PPM1B: variants seen among roughly 807,000 people sequenced by gnomAD.
PPM1B encodes protein phosphatase 1B.
Under a neutral mutation model 43.0 loss-of-function variants are expected in PPM1B, and 22 were observed. The ratio of observed to expected loss-of-function variants is 0.51; its 90% CI spans 0.37 to 0.73. The LOEUF is 0.73. Ranked by LOEUF, PPM1B falls within the 30% of genes least tolerant of loss-of-function variation. The pLI, the probability that PPM1B is intolerant of heterozygous loss-of-function variation, is 0.00. For missense variants in PPM1B, 632 were observed against 584.2 expected (o/e 1.08, Z -0.84); for synonymous variants, 217 against 197.9 (o/e 1.10, Z -0.81).
chr2:44,170,080 G>A (rs1332879480), intron 1 of PPM1B, among the ~76,000 whole-genome samples: 2 of 152,218 alleles, frequency 1.3e-5, no homozygotes, highest in African/African-American at 4.8e-5. Context: ...AGGACTCAGT[G>A]AGTGTTGGAA....
chr2:44,184,208 C>A (rs1668018767), intron 1 of PPM1B, among the ~76,000 whole-genome samples: 1 of 152,218 alleles, frequency 6.6e-6, no homozygotes, highest in South Asian at 2.1e-4. Context: ...TCTTAGCACA[C>A]AGAAAATGTC....
chr2:44,242,699 G>A (rs945515262), intron 5 of PPM1B, among the ~76,000 whole-genome samples: 3 of 152,114 alleles, frequency 2.0e-5, no homozygotes, highest in African/African-American at 7.2e-5. Flanking sequence ...GATTACTAGT[G>A]AGTGAAAATG....
chr2:44,220,583 A>G (rs1355084498), intron 5 of PPM1B, among the ~76,000 whole-genome samples: 1 of 152,262 alleles, frequency 6.6e-6, no homozygotes, highest in African/African-American at 2.4e-5. Context: ...AGTGTGTTGT[A>G]TAGTGGATTC....
At chr2:44,174,758 G>A (rs1362792785) in intron 1 of PPM1B, among the ~76,000 whole-genome samples, 1 of 152,202 alleles carries the variant, frequency 6.6e-6, no homozygotes, top group Non-Finnish European at 1.5e-5. Context: ...TTTCTTGATT[G>A]TAGGTATCAA....
intron 5 of PPM1B, among the ~76,000 whole-genome samples, chr2:44,226,392 G>C (rs1329550290): frequency 6.6e-6 from 1 of 152,140 alleles, no homozygotes; most frequent in African/African-American, 2.4e-5. Context: ...TACTTTATCT[G>C]TTGAACTTGC....
chr2:44,193,953 A>G (rs748714620), intron 1 of PPM1B, among the ~76,000 whole-genome samples: 13 of 152,094 alleles, frequency 8.5e-5, no homozygotes, highest in African/African-American at 2.4e-4. Flanking sequence ...GCCTCAAGCA[A>G]TCCTCCTACC....
chr2:44,228,185 C>CT (rs1328210929), intron 5 of PPM1B, among the ~76,000 whole-genome samples: 1 of 99,348 alleles, frequency 1.0e-5, no homozygotes, highest in Non-Finnish European at 2.0e-5. Context: ...GCCTAACAAG[C>CT]CCTTTTTTTT....
chr2:44,201,170 G>A lies in PPM1B; in HGVS notation c.-14-16G>A, dbSNP rs1169975417. ...TGTCAAATTTAAACATTTAACACCT[G>A]CATTTTTTATTTCAGATTTATTGCT... On this transcript the variant is annotated splice_polypyrimidine_tract_variant and intron_variant, in intron 1 of 5. Transcript: ENST00000282412. This position sits in a 1 kb window ranked among gnomAD's most constrained non-coding sequence, Gnocchi z 5.4. 1 of 1,557,522 alleles carries A rather than the reference G, an allele frequency of 6.4e-7. No individual in the cohort carries two copies. The highest frequency in any genetic ancestry group is 8.7e-7 in the Non-Finnish European group (1 of 1,150,004).
At chr2:44,205,648 A>G (rs1182127681) in intron 2 of PPM1B, among the ~76,000 whole-genome samples, 1 of 152,176 alleles carries the variant, frequency 6.6e-6, no homozygotes, top group Non-Finnish European at 1.5e-5. Flanking sequence ...GAAAAAGATC[A>G]TGCTATGTTT....
In PPM1B at chr2:44,227,518, CT is replaced by C. The variant is rs397964846; in HGVS notation, c.1135-2879del. On this transcript the variant is annotated intron_variant, in intron 5 of 5. Coordinates refer to ENST00000282412, the MANE Select transcript of PPM1B (RefSeq NM_002706.6). ...AAGCATGGGCCATACACAGTATCAT[CT>C]TTTTTTTTTTTTTTTGGAGATGGAG... 3.1e-3 allele frequency among the ~76,000 whole-genome samples: 425 copies of C among 138,850 alleles called. 1 individual carries two copies. Among genetic ancestry groups the C allele is most frequent in the African/African-American group, 5.8e-3 (222 of 38,030 alleles). 91.1% of individuals were successfully genotyped at this position (138,850 alleles called of 152,430 possible).
intron 1 of PPM1B, among the ~76,000 whole-genome samples, chr2:44,187,011 A>G (rs1168250794): frequency 6.6e-6 from 1 of 152,260 alleles, no homozygotes; most frequent in Non-Finnish European, 1.5e-5. Flanking sequence ...TATTCACATT[A>G]TTGTGCAACA....
At chr2:44,198,402 C>T (rs1367360367) in intron 1 of PPM1B, among the ~76,000 whole-genome samples, 1 of 152,148 alleles carries the variant, frequency 6.6e-6, no homozygotes, top group Non-Finnish European at 1.5e-5. Context: ...CTCAAGTGAT[C>T]CGCCCGCCTC....
chr2:44,236,723 A>G (rs571363179), downstream of PPM1B, among the ~76,000 whole-genome samples: 14 of 152,314 alleles, frequency 9.2e-5, no homozygotes, highest in East Asian at 1.9e-3. Context: ...TAACTGGAAC[A>G]TGTCCATCAA....
At chr2:44,224,899 T>A (rs1240283209) in intron 5 of PPM1B, among the ~76,000 whole-genome samples, 2 of 152,212 alleles carry the variant, frequency 1.3e-5, no homozygotes. Context: ...TCTATAATAA[T>A]TTCACCAATA....
At chr2:44,229,874 G>A in intron 5 of PPM1B, 2 of 914,526 alleles carry the variant, frequency 2.2e-6, no homozygotes, top group South Asian at 1.9e-5. Context: ...ATCTAGAGAT[G>A]TTTTTATCAA....
At chr2:44,235,023 G>C (rs1404504797), downstream of PPM1B, among the ~76,000 whole-genome samples, 1 of 152,174 alleles carries the variant, frequency 6.6e-6, no homozygotes. Context: ...CACACAGATA[G>C]GTAGTTGGAA....
At position 44,201,699 on chromosome 2, in the gene PPM1B, A is replaced by G. The variant is rs749381288; in HGVS notation, c.500A>G (p.Gln167Arg). 1 of 1,614,082 alleles carries G rather than the reference A, an allele frequency of 6.2e-7. No individual in the cohort carries two copies. The highest frequency in any genetic ancestry group is 1.3e-5 in the African/African-American group (1 of 74,938). Residue 167 changes from glutamine (Q) to arginine (R), a missense_variant, in exon 2 of 6, where the codon CAG (glutamine) becomes CGG (arginine). Around this residue, in one of 3 missense-constraint regions of PPM1B, gnomAD observed 40 missense variants for 80.8 expected, o/e 0.50. Coordinates refer to ENST00000282412, the MANE Select transcript of PPM1B (RefSeq NM_002706.6). The surrounding 1 kb of genome is among the most constrained non-coding windows in gnomAD (Gnocchi z 5.4). ...AATGGACAAGTCTGCTTTTCTACCCAGGATCACAAACCTTGCAATCCAAGG... is the reference window on the plus strand; with the variant it reads ...AATGGACAAGTCTGCTTTTCTACCCGGGATCACAAACCTTGCAATCCAAGG... ...YRNGQVCFST[Q>R]DHKPCNPREK...
At chr2:44,210,858 C>T (rs6544747) in intron 3 of PPM1B, among the ~76,000 whole-genome samples, 2 of 151,962 alleles carry the variant, frequency 1.3e-5, no homozygotes, top group African/African-American at 2.4e-5. Flanking sequence ...AGGAAATTGA[C>T]CCAGCACGGT....
intron 1 of PPM1B, among the ~76,000 whole-genome samples, chr2:44,180,781 G>A (rs1254877564): frequency 6.6e-6 from 1 of 151,608 alleles, no homozygotes; most frequent in African/African-American, 2.4e-5. Flanking sequence ...TGGCTAAGAA[G>A]TGTCTTTTAA....
Sources: allele counts gnomAD v4.1 joint callset (sites outside exome capture counted in the v4.1 genomes callset), GRCh38; gene constraint gnomAD v4.1.1; regional missense constraint gnomAD v4.1.1; non-coding constraint Gnocchi (gnomAD v3.1); transcripts MANE v1.5; gene names NCBI Gene and HGNC (gene_info 2026-07-23, HGNC 2026-07-21).